The following CNOT10 variants were observed in gnomAD, a reference collection of about 807,000 sequenced individuals.
CNOT10 encodes CCR4-NOT transcription complex subunit 10, also known as CCR4-NOT transcription complex, subunit 10.
Under a neutral mutation model 94.6 loss-of-function variants are expected in CNOT10, and 30 were observed. The observed-to-expected ratio is 0.32, with a 90% confidence interval of 0.24 to 0.43. The LOEUF (loss-of-function observed/expected upper bound fraction) is 0.43, where lower values mean the gene tolerates loss of function less well. Among genes scored for constraint, CNOT10 ranks in the 20% least tolerant of loss-of-function variants. The pLI, the probability that CNOT10 is intolerant of heterozygous loss-of-function variation, is 1.00. For synonymous variants in CNOT10, 289 were observed against 301.6 expected (o/e 0.96, Z 0.43); for missense variants, 759 against 877.2 (o/e 0.87, Z 1.70).
At chr3:32,712,896 A>G (rs1162433040) in intron 4 of CNOT10, among the ~76,000 whole-genome samples, 1 of 152,200 alleles carries the variant, frequency 6.6e-6, no homozygotes, top group Non-Finnish European at 1.5e-5. Context: ...TCAACATTTC[A>G]GGTTAGGAAT....
At chr3:32,702,394 T>G (rs1333770900) in intron 1 of CNOT10, among the ~76,000 whole-genome samples, 1 of 152,210 alleles carries the variant, frequency 6.6e-6, no homozygotes, top group Non-Finnish European at 1.5e-5. Context: ...ATTTTCAAAT[T>G]AAAACAAAAA....
chr3:32,723,401 AAAAAG>A (rs1271884884), intron 8 of CNOT10, among the ~76,000 whole-genome samples: 30 of 152,218 alleles, frequency 2.0e-4, no homozygotes, highest in Middle Eastern at 6.8e-3. Context: ...CAAAAAAAAA[AAAAAG>A]AAAAGAGAAT....
At chr3:32,693,037 C>G in intron 1 of CNOT10, among the ~76,000 whole-genome samples, 1 of 152,150 alleles carries the variant, frequency 6.6e-6, no homozygotes, top group East Asian at 1.9e-4. Context: ...AAGTGAGACC[C>G]TGTCTCAGAA....
chr3:32,762,641 T>C, intron 14 of CNOT10, 92 bp from the exon 15 acceptor site: 1 of 1,295,062 alleles, frequency 7.7e-7, no homozygotes, highest in South Asian at 1.4e-5. Context: ...CTATATCCAA[T>C]GTATAATAAC....
At chr3:32,721,281 C>G (rs1055151929) in intron 8 of CNOT10, among the ~76,000 whole-genome samples, 4 of 151,270 alleles carry the variant, frequency 2.6e-5, no homozygotes, top group South Asian at 2.1e-4. Context: ...TAGGCTGTAT[C>G]GAACTCCTGA....
chr3:32,740,741 A>G (rs1699425267), intron 13 of CNOT10, among the ~76,000 whole-genome samples: 1 of 152,006 alleles, frequency 6.6e-6, no homozygotes, highest in Non-Finnish European at 1.5e-5. Flanking sequence ...GGGCGCCTGT[A>G]GTCCCAGCTA....
chr3:32,686,589 G>T (rs563171572), intron 1 of CNOT10, among the ~76,000 whole-genome samples: 1 of 152,308 alleles, frequency 6.6e-6, no homozygotes, highest in East Asian at 1.9e-4. Flanking sequence ...CCTCTGGTGA[G>T]ATGATATTTG....
chr3:32,735,344 C>CAAAAAAAAAAA (rs1267480500), intron 12 of CNOT10, among the ~76,000 whole-genome samples: 7 of 151,002 alleles, frequency 4.6e-5, no homozygotes, highest in African/African-American at 1.2e-4. Flanking sequence ...GACTTCATCT[C>CAAAAAAAAAAA]AAAAAAGAAA....
intron 7 of CNOT10, among the ~76,000 whole-genome samples, chr3:32,718,440 C>T (rs1037052971): frequency 4.1e-4 from 61 of 150,432 alleles, no homozygotes; most frequent in Middle Eastern, 3.4e-3. Context: ...AAAAATGAGC[C>T]GGGCGTGGTG....
chr3:32,736,268 G>T (rs1053087389), intron 12 of CNOT10, among the ~76,000 whole-genome samples: 1 of 152,016 alleles, frequency 6.6e-6, no homozygotes, highest in Non-Finnish European at 1.5e-5. Flanking sequence ...TGTATTTTTA[G>T]TAGAGATAGG....
At position 32,706,513 on chromosome 3, in the gene CNOT10, G is replaced by A. The variant is rs372042066; in HGVS notation, c.279+1541G>A. Among the ~76,000 whole-genome samples the A allele has an allele frequency of 6.6e-5, 10 of 152,106 alleles. No homozygotes were observed. In the East Asian group the frequency reaches 1.2e-3, roughly 18 times the overall value. ...TCATACTTCTGTTCGCAGTCACATC[G>A]GGCACAGTGACACACCTTTTCAACC... is the stretch of plus-strand genomic sequence containing the variant. On this transcript the variant is annotated intron_variant, in intron 3 of 18. Transcript: ENST00000328834.
rs1201534796 is a variant in CNOT10 at position 32,718,045 on chromosome 3, A to G, written c.744+808A>G. On this transcript the variant is annotated intron_variant, in intron 7 of 18. Coordinates refer to ENST00000328834, the MANE Select transcript of CNOT10 (RefSeq NM_015442.3). ...TCATTGATAATTTTTAAGATGGTGT[A>G]GGAAAGAAACAGAATTGTGAACAAT... Among the ~76,000 whole-genome samples, 3 of 152,210 alleles carry G rather than the reference A, an allele frequency of 2.0e-5. No homozygotes were observed. The East Asian group carries it at 5.8e-4, about 29-fold the overall frequency.
intron 2 of CNOT10, 30 bp from the exon 3 acceptor site, chr3:32,704,779 TTG>T (rs772306771): frequency 2.3e-4 from 348 of 1,491,640 alleles, no homozygotes; most frequent in Admixed American, 4.7e-4. Context: ...GTATGTAATT[TTG>T]TGTGTGTGTG....
chr3:32,733,599 GTTAC>G (rs1699050840), intron 11 of CNOT10, 55 bp downstream of exon 11: 1 of 1,161,636 alleles, frequency 8.6e-7, no homozygotes, highest in African/African-American at 1.6e-5. Flanking sequence ...TTTACATAAT[GTTAC>G]TTATATATAA....
rs930180264 is a variant in CNOT10 at position 32,708,950 on chromosome 3, G to A, written c.430+130G>A. ...TTCAAAGAAAAGCCGTATCAGCTTT[G>A]CTTAATGGTTAGAAAAGATAAAAAT... On this transcript the variant is annotated intron_variant, in intron 4 of 18. Transcript: ENST00000328834. The A allele has an allele frequency of 6.8e-5, 45 of 657,482 alleles. 1 individual carries two copies. Among genetic ancestry groups the A allele is most frequent in the African/African-American group, 6.7e-4 (36 of 53,674 alleles). 40.7% of individuals were successfully genotyped at this position (657,482 alleles called of 1,614,324 possible).
chr3:32,699,489 T>C (rs1383945746), intron 1 of CNOT10, among the ~76,000 whole-genome samples: 1 of 152,226 alleles, frequency 6.6e-6, no homozygotes, highest in East Asian at 1.9e-4. Context: ...TATTAAGCCA[T>C]TCATATTTAC....
intron 13 of CNOT10, among the ~76,000 whole-genome samples, chr3:32,742,582 A>G (rs1250178066): frequency 6.6e-6 from 1 of 152,140 alleles, no homozygotes; most frequent in Non-Finnish European, 1.5e-5. Context: ...GGGTGTCACC[A>G]TGTTGGTCAG....
chr3:32,717,215 C>A lies in CNOT10; in HGVS notation c.722C>A (p.Ser241Ter). 1 of 1,607,998 alleles carries A rather than the reference C, an allele frequency of 6.2e-7. No homozygotes were observed. The highest frequency in any genetic ancestry group is 8.5e-7 in the Non-Finnish European group (1 of 1,175,990). The change falls in exon 7 of 19, where the codon TCA becomes TAA. Residue 241 changes from serine to a stop codon, truncating the protein, a stop_gained. Transcript: ENST00000328834. LOFTEE classifies it high-confidence loss of function. ...SLKACKREIK[S>*]VMNTAGNSAP... The stretch of plus-strand genomic sequence containing the variant: ...AAAGCATGTAAAAGGGAAATCAAGT[C>A]AGTCATGAATACAGCTGGAAATGTA...
chr3:32,760,060 T>TA (rs1700376612), intron 14 of CNOT10, among the ~76,000 whole-genome samples: 1 of 151,560 alleles, frequency 6.6e-6, no homozygotes, highest in African/African-American at 2.4e-5. Flanking sequence ...CGGGCACCTG[T>TA]AATCCCAGCT....
Sources: gnomAD v4.1 joint callset for allele counts (sites outside exome capture counted in the v4.1 genomes callset) on GRCh38, gnomAD v4.1.1 for gene constraint, MANE v1.5 for transcripts, NCBI Gene and HGNC (gene_info 2026-07-23, HGNC 2026-07-21) for gene names.